UBASH3B: variants seen among roughly 807,000 people sequenced by gnomAD.
UBASH3B encodes the protein ubiquitin associated and SH3 domain containing B, also known as ubiquitin-associated and SH3 domain-containing protein B.
Under a neutral mutation model 83.4 loss-of-function variants are expected in UBASH3B, and 37 were observed. That is an observed-to-expected ratio of 0.44 (90% CI 0.34 to 0.58). UBASH3B has a LOEUF of 0.58. Ranked by LOEUF, UBASH3B falls within the 20% of genes least tolerant of loss-of-function variation. The pLI is 0.01. For missense variants in UBASH3B, 657 were observed against 827.2 expected, an observed-to-expected ratio of 0.79 and a Z score of 2.52; for synonymous variants, 304 against 318.3, an observed-to-expected ratio of 0.96 and a Z score of 0.48.
chr11:122,729,672 G>A (rs1860804411), intron 1 of UBASH3B, among the ~76,000 whole-genome samples: 1 of 151,498 alleles, frequency 6.6e-6, no homozygotes, highest in Non-Finnish European at 1.5e-5. Context: ...GCTTTAAAAT[G>A]TTCCAGGCTG....
At chr11:122,723,108 A>C (rs1054073264) in intron 1 of UBASH3B, among the ~76,000 whole-genome samples, 1 of 152,204 alleles carries the variant, frequency 6.6e-6, no homozygotes, top group African/African-American at 2.4e-5. Context: ...AGTTTCTGAA[A>C]ATACAGATTC....
intron 1 of UBASH3B, among the ~76,000 whole-genome samples, chr11:122,663,492 C>T (rs1362534309): frequency 6.6e-6 from 1 of 152,208 alleles, no homozygotes; most frequent in Non-Finnish European, 1.5e-5. Flanking sequence ...CCCTCAGCTG[C>T]CTCAAAGTCC....
At chr11:122,751,478 C>T (rs1861198820) in intron 1 of UBASH3B, among the ~76,000 whole-genome samples, 1 of 152,218 alleles carries the variant, frequency 6.6e-6, no homozygotes, top group African/African-American at 2.4e-5. Context: ...GCAGCCTGGC[C>T]AGCAGCCGGC....
chr11:122,717,827 A>C (rs1591784142), intron 1 of UBASH3B, among the ~76,000 whole-genome samples: 1 of 147,054 alleles, frequency 6.8e-6, no homozygotes, highest in African/African-American at 2.5e-5. Context: ...ACTGTCCCCC[A>C]CCCCCCATGA....
At chr11:122,776,944 G>C (rs554013444) in intron 2 of UBASH3B, 80 bp from the exon 3 acceptor site, 1 of 1,355,164 alleles carries the variant, frequency 7.4e-7, no homozygotes, top group Non-Finnish European at 1.0e-6. Flanking sequence ...AGCACATGGA[G>C]GGTGGATCTG....
chr11:122,674,239 T>G (rs1863636801), intron 1 of UBASH3B, among the ~76,000 whole-genome samples: 1 of 152,202 alleles, frequency 6.6e-6, no homozygotes, highest in Non-Finnish European at 1.5e-5. Context: ...TAACTCGAGT[T>G]GGGGCCCCTC....
rs201642529 is a variant in UBASH3B, at chr11:122,679,992, G to A, written c.161+23782G>A. ...ATTACAGGCACCCACCACCACAGCC[G>A]GCTAATTTTTGTATTTTTAGTAGAG... On this transcript the variant is annotated intron_variant, in intron 1 of 13. Transcript: ENST00000284273. Among the ~76,000 whole-genome samples the A allele has an allele frequency of 1.4e-4, 21 of 152,012 alleles. No homozygotes were observed. In the East Asian group the frequency reaches 3.7e-3, roughly 27 times the overall value.
At chr11:122,786,395 G>A (rs750631396) in intron 5 of UBASH3B, among the ~76,000 whole-genome samples, 41 of 151,886 alleles carry the variant, frequency 2.7e-4, no homozygotes, top group Non-Finnish European at 4.4e-4. Flanking sequence ...AGTGGCTCAC[G>A]CCTGTAATCC....
chr11:122,677,752 G>GA (rs895448216), intron 1 of UBASH3B, among the ~76,000 whole-genome samples: 18 of 147,140 alleles, frequency 1.2e-4, no homozygotes, highest in South Asian at 6.5e-4. Context: ...ACTCCCTCTC[G>GA]AAAAAAAAAA....
intron 1 of UBASH3B, among the ~76,000 whole-genome samples, chr11:122,684,528 T>C (rs1197502963): frequency 4.6e-5 from 7 of 152,186 alleles, no homozygotes; most frequent in Non-Finnish European, 8.8e-5. Flanking sequence ...GTATCAACAA[T>C]TTTAGAGCAG....
chr11:122,687,102 C>T (rs1043221540), intron 1 of UBASH3B, among the ~76,000 whole-genome samples: 2 of 152,178 alleles, frequency 1.3e-5, no homozygotes, highest in African/African-American at 4.8e-5. Flanking sequence ...CTCCCGACCT[C>T]AAGCTATCCA....
chr11:122,768,500 GTGTGTGTGTA>G (rs1174571496), intron 1 of UBASH3B, among the ~76,000 whole-genome samples: 3 of 137,746 alleles, frequency 2.2e-5, no homozygotes, highest in African/African-American at 5.6e-5. Flanking sequence ...GTGTGTGTGT[GTGTGTGTGTA>G]TATATATATA....
intron 1 of UBASH3B, among the ~76,000 whole-genome samples, chr11:122,721,531 C>G (rs1860638795): frequency 6.6e-6 from 1 of 152,322 alleles, no homozygotes; most frequent in South Asian, 2.1e-4. Flanking sequence ...CCTGAGAGTT[C>G]AGTAATTCTC....
intron 1 of UBASH3B, among the ~76,000 whole-genome samples, chr11:122,699,030 A>C (rs1464895493): frequency 6.6e-6 from 1 of 152,136 alleles, no homozygotes; most frequent in Non-Finnish European, 1.5e-5. Flanking sequence ...TCGTATTTTT[A>C]GTAGAGACGG....
chr11:122,667,507 C>T (rs1042744337), intron 1 of UBASH3B, among the ~76,000 whole-genome samples: 2 of 152,036 alleles, frequency 1.3e-5, no homozygotes, highest in Non-Finnish European at 2.9e-5. Flanking sequence ...GGAAGATACA[C>T]GATTATGATA....
chr11:122,786,485 C>T (rs1284091934), intron 5 of UBASH3B, among the ~76,000 whole-genome samples: 3 of 152,142 alleles, frequency 2.0e-5, no homozygotes, highest in South Asian at 2.1e-4. Context: ...AGTGAAACCT[C>T]GTCTCTACTA....
chr11:122,686,661 G>A (rs921706705), intron 1 of UBASH3B, among the ~76,000 whole-genome samples: 6 of 152,060 alleles, frequency 3.9e-5, no homozygotes, highest in Non-Finnish European at 8.8e-5. Flanking sequence ...GTGTGCAGGC[G>A]TTTGGGAGGA....
chr11:122,701,857 G>T (rs1196980643), intron 1 of UBASH3B, among the ~76,000 whole-genome samples: 1 of 152,016 alleles, frequency 6.6e-6, no homozygotes, highest in Non-Finnish European at 1.5e-5. Flanking sequence ...ATGTTTGTTT[G>T]TTTGTTTGTT....
chr11:122,741,443 G>A (rs1591794233), intron 1 of UBASH3B, among the ~76,000 whole-genome samples: 1 of 152,340 alleles, frequency 6.6e-6, no homozygotes, highest in East Asian at 1.9e-4. Flanking sequence ...TTAGAACTCA[G>A]TGAATGAGCA....
Sources: allele counts gnomAD v4.1 joint callset (sites outside exome capture counted in the v4.1 genomes callset), GRCh38; gene constraint gnomAD v4.1.1; transcripts MANE v1.5; gene names NCBI Gene and HGNC (gene_info 2026-07-23, HGNC 2026-07-21).